The following MAP4 variants were observed in gnomAD, a reference collection of about 807,000 sequenced individuals.
The protein encoded by MAP4 is microtubule-associated protein 4.
MAP4 carries 76 observed loss-of-function variants against 170.2 expected under a neutral mutation model. The observed-to-expected ratio is 0.45, with a 90% CI of 0.37 to 0.54. The LOEUF (loss-of-function observed/expected upper bound fraction) is 0.54, where lower values mean the gene tolerates loss of function less well. Ranked by LOEUF, MAP4 falls within the 20% of genes least tolerant of loss-of-function variation. MAP4 has a pLI of 0.00. For missense variants in MAP4, 2,506 were observed against 2,748.0 expected (o/e 0.91, Z 1.97); for synonymous variants, 909 against 994.5 (o/e 0.91, Z 1.62).
intron 9 of MAP4, among the ~76,000 whole-genome samples, chr3:47,907,880 T>C (rs1451705972): frequency 1.4e-4 from 22 of 152,238 alleles, no homozygotes; most frequent in Non-Finnish European, 2.2e-4. Context: ...GAATGTCTTA[T>C]GCAAATAACA....
chr3:47,984,906 T>C (rs1002548868), intron 2 of MAP4, among the ~76,000 whole-genome samples: 1 of 150,186 alleles, frequency 6.7e-6, no homozygotes, highest in Non-Finnish European at 1.5e-5. Context: ...AAGGCGGAGG[T>C]TGCAGTGAGC....
chr3:47,901,344 CTGAA>C (rs910026591), intron 10 of MAP4, among the ~76,000 whole-genome samples: 17 of 152,288 alleles, frequency 1.1e-4, no homozygotes, highest in African/African-American at 1.7e-4. Context: ...TTGGTATCTA[CTGAA>C]TGAATGAATA....
chr3:47,851,916 C>G lies in MAP4; in HGVS notation c.*1018G>C, dbSNP rs1282611442. 1 of 152,240 alleles carries G rather than the reference C, an allele frequency of 6.6e-6. No homozygotes were observed. The highest frequency in any genetic ancestry group is 1.5e-5 in the Non-Finnish European group (1 of 68,088). 9.4% of individuals were successfully genotyped at this position (152,240 alleles called of 1,614,324 possible). The stretch of plus-strand genomic sequence containing the variant: ...TTGTTCTCCAGCCCTGGCTTTTTAT[C>G]CTAGGGCTGACCACCAGATCCCAGG... On this transcript the variant is annotated 3_prime_UTR_variant, in exon 21 of 21. Coordinates refer to ENST00000683076, the MANE Select transcript of MAP4 (RefSeq NM_001385682.1).
chr3:47,904,009 T>TA (rs1471014050), intron 9 of MAP4, among the ~76,000 whole-genome samples: 3 of 152,196 alleles, frequency 2.0e-5, no homozygotes, highest in East Asian at 3.8e-4. Context: ...GCCTAGATAC[T>TA]AAAAAAAGTC....
intron 3 of MAP4, among the ~76,000 whole-genome samples, chr3:47,934,314 T>C (rs928673091): frequency 2.6e-5 from 4 of 152,218 alleles, no homozygotes; most frequent in Admixed American, 6.5e-5. Flanking sequence ...ACTGATGGCA[T>C]AGTTTTGAGA....
chr3:47,993,920 CCTT>C (rs2100093864), intron 2 of MAP4, among the ~76,000 whole-genome samples: 2 of 152,128 alleles, frequency 1.3e-5, no homozygotes, highest in Admixed American at 1.3e-4. Flanking sequence ...ATCAGAGAGT[CCTT>C]CTCCACCAGG....
At chr3:47,883,827 C>T (rs372520607) in intron 10 of MAP4, among the ~76,000 whole-genome samples, 2 of 151,968 alleles carry the variant, frequency 1.3e-5, no homozygotes, top group East Asian at 3.9e-4. Context: ...AACAGGCTGT[C>T]ATTTAAATGC....
chr3:47,893,348 T>C (rs2100025084), intron 10 of MAP4, among the ~76,000 whole-genome samples: 1 of 152,174 alleles, frequency 6.6e-6, no homozygotes, highest in South Asian at 2.1e-4. Context: ...GCTGGGTTGC[T>C]CCCTCCACTA....
At chr3:47,925,656 T>TA (rs1214136622) in intron 4 of MAP4, among the ~76,000 whole-genome samples, 1 of 152,162 alleles carries the variant, frequency 6.6e-6, no homozygotes, top group Non-Finnish European at 1.5e-5. Context: ...TCCCTTTATA[T>TA]AAAATGTCCA....
At chr3:47,885,536 A>C (rs1166020078) in intron 10 of MAP4, among the ~76,000 whole-genome samples, 3 of 152,140 alleles carry the variant, frequency 2.0e-5, no homozygotes. Context: ...TTGTATTTAC[A>C]GGGGAGGAGC....
At chr3:47,880,259 A>ATTT (rs35700801) in intron 10 of MAP4, among the ~76,000 whole-genome samples, 3 of 106,362 alleles carry the variant, frequency 2.8e-5, no homozygotes, top group African/African-American at 1.2e-4. Flanking sequence ...CACCTGGCTA[A>ATTT]TTTTTTTTTT....
chr3:48,044,215 C>T (rs1303775229), intron 1 of MAP4, among the ~76,000 whole-genome samples: 2 of 151,118 alleles, frequency 1.3e-5, no homozygotes, highest in Admixed American at 6.6e-5. Flanking sequence ...AGTGCAGTGG[C>T]GCAATCTCGG....
At chr3:47,998,926 GA>G in intron 1 of MAP4, 47 bp from the exon 2 acceptor site, 1 of 1,034,198 alleles carries the variant, frequency 9.7e-7, no homozygotes, top group Non-Finnish European at 1.5e-6. Context: ...ACTGCAAAAG[GA>G]AAAACATTTC....
intron 1 of MAP4, among the ~76,000 whole-genome samples, chr3:48,068,692 G>A (rs934224430): frequency 2.0e-5 from 3 of 152,180 alleles, no homozygotes; most frequent in Non-Finnish European, 4.4e-5. Context: ...GCAGAGGCAG[G>A]AGAATCGCTT....
intron 1 of MAP4, among the ~76,000 whole-genome samples, chr3:48,074,388 C>CA (rs1036769133): frequency 6.6e-6 from 1 of 150,388 alleles, no homozygotes; most frequent in Non-Finnish European, 1.5e-5. Context: ...AGCACACCAA[C>CA]ATGGCACATG....
intron 3 of MAP4, among the ~76,000 whole-genome samples, chr3:47,961,985 AACCTCGAGTTG>A (rs2100071807): frequency 1.3e-5 from 2 of 152,284 alleles, no homozygotes; most frequent in Admixed American, 1.3e-4. Flanking sequence ...TGACAAAAGT[AACCTCGAGTTG>A]CCCTCAGGGT....
intron 3 of MAP4, among the ~76,000 whole-genome samples, chr3:47,965,805 T>C (rs775776847): frequency 1.3e-5 from 2 of 152,184 alleles, no homozygotes; most frequent in Non-Finnish European, 2.9e-5. Context: ...TGAGAAGATA[T>C]AAGATTTGCA....
chr3:47,891,110 T>G (rs1456772572), intron 10 of MAP4: 1 of 1,536,224 alleles, frequency 6.5e-7, no homozygotes, highest in South Asian at 1.2e-5. Flanking sequence ...CAGAGCCGTC[T>G]GTCCTGGCTG....
Position 47,973,464 on chromosome 3 carries a change from A to G in MAP4, c.292+4401T>C, listed in dbSNP as rs564306565. ...TGAAACATAAAATTTCTTTCTTTCA[A>G]AATGAAACGTCCAAGTGAAACAGAT... On this transcript the variant is annotated intron_variant, in intron 3 of 20. Coordinates refer to ENST00000683076, the MANE Select transcript of MAP4 (RefSeq NM_001385682.1). The G allele has an allele frequency of 2.1e-5, 21 of 985,352 alleles. No homozygotes were observed. The African/African-American group carries it at 3.3e-4, about 16-fold the overall frequency. 61.0% of individuals were successfully genotyped at this position (985,352 alleles called of 1,614,324 possible).
Sources: allele counts gnomAD v4.1 joint callset (sites outside exome capture counted in the v4.1 genomes callset), GRCh38; gene constraint gnomAD v4.1.1; transcripts MANE v1.5; gene names NCBI Gene and HGNC (gene_info 2026-07-23, HGNC 2026-07-21).